BMX: variants seen among roughly 807,000 people sequenced by gnomAD.
The protein encoded by BMX is BMX non-receptor tyrosine kinase.
A neutral mutation model predicts 59.2 loss-of-function variants in BMX; 31 were observed. The ratio of observed to expected loss-of-function variants is 0.52; its 90% CI spans 0.39 to 0.71. The LOEUF (loss-of-function observed/expected upper bound fraction) is 0.71, where lower values mean the gene tolerates loss of function less well. Ranked by LOEUF, BMX falls within the 30% of genes least tolerant of loss-of-function variation. The pLI, the probability that BMX is intolerant of heterozygous loss-of-function variation, is 0.00. For synonymous variants in BMX, 185 were observed against 181.0 expected (o/e 1.02, Z -0.18); for missense variants, 474 against 491.7 (o/e 0.96, Z 0.34).
chrX:15,532,616 G>A (rs953152880), intron 11 of BMX, among the ~76,000 whole-genome samples: 1 of 111,988 alleles, frequency 8.9e-6, no homozygotes, highest in Non-Finnish European at 1.9e-5. Context: ...TTGAATGATC[G>A]TCTGCCTTGG....
intron 4 of BMX, among the ~76,000 whole-genome samples, chrX:15,513,430 A>G (rs931007452): frequency 8.9e-6 from 1 of 111,988 alleles, no homozygotes; most frequent in African/African-American, 3.2e-5. Context: ...ATAGTGAGAA[A>G]GAAGGTGCAT....
intron 11 of BMX, 54 bp from the exon 12 acceptor site, chrX:15,534,158 T>C (rs1457253108): frequency 1.7e-5 from 18 of 1,031,157 alleles, no homozygotes; most frequent in Non-Finnish European, 2.3e-5. Context: ...TAACCCTTGC[T>C]TAATCAAGCT....
At chrX:15,507,127 T>C (rs933427928) in intron 1 of BMX, among the ~76,000 whole-genome samples, 3 of 113,006 alleles carry the variant, frequency 2.7e-5, no homozygotes, top group African/African-American at 9.6e-5. Flanking sequence ...TTCACTCTTC[T>C]GCCATAGTGG....
chrX:15,526,167 T>C (rs1924714859), intron 9 of BMX, 72 bp downstream of exon 9: 7 of 956,900 alleles, frequency 7.3e-6, no homozygotes, highest in Non-Finnish European at 1.0e-5. Context: ...CTCAAAGACA[T>C]TAAAACAGAT....
chrX:15,511,370 T>G, intron 3 of BMX, 67 bp from the exon 4 acceptor site: 3 of 933,695 alleles, frequency 3.2e-6, no homozygotes, highest in Non-Finnish European at 4.5e-6. Context: ...GACAAAAAAT[T>G]TGCAGGTGCA....
intron 9 of BMX, 85 bp downstream of exon 9, chrX:15,526,180 C>A: frequency 1.2e-6 from 1 of 857,250 alleles, no homozygotes; most frequent in Non-Finnish European, 1.6e-6. Flanking sequence ...AAACAGATGG[C>A]TGAGACCGTC....
rs1418220685 is a variant in BMX, at chrX:15,537,241, G to A, written c.1330G>A (p.Val444Ile). ...GKWKGQYDVA[V>I]KMIKEGSMSE... ...GTGGAAGGGGCAGTATGATGTTGCT[G>A]TTAAGATGATCAAGGAGGGCTCCAT... Residue 444 changes from valine (V) to isoleucine (I), a missense_variant, in exon 14 of 19, where the codon GTT becomes ATT. By Grantham distance (29) the Val-to-Ile change is conservative. Coordinates refer to ENST00000348343, the MANE Select transcript of BMX (RefSeq NM_203281.3). 1 of 1,210,548 alleles carries A rather than the reference G, an allele frequency of 8.3e-7. No homozygotes were observed. Among genetic ancestry groups the A allele is most frequent in the Admixed American group, 2.2e-5 (1 of 45,843 alleles).
At chrX:15,513,542 C>T (rs1924038110) in intron 4 of BMX, among the ~76,000 whole-genome samples, 2 of 111,899 alleles carry the variant, frequency 1.8e-5, no homozygotes, top group Admixed American at 9.5e-5. Flanking sequence ...GCTATAATGG[C>T]TCCTCCTGCC....
intron 14 of BMX, among the ~76,000 whole-genome samples, chrX:15,540,024 G>T (rs952288451): frequency 1.8e-5 from 2 of 112,171 alleles, no homozygotes; most frequent in East Asian, 5.6e-4. Flanking sequence ...ACAGTGTGGT[G>T]ATTCCTCAAG....
chrX:15,537,255 G>A lies in BMX; in HGVS notation c.1344G>A (p.Lys448=). 1 of 1,210,475 alleles carries A rather than the reference G, an allele frequency of 8.3e-7. No homozygotes were observed. Among genetic ancestry groups the A allele is most frequent in the Non-Finnish European group, 1.1e-6 (1 of 895,056 alleles). ...ATGATGTTGCTGTTAAGATGATCAA[G>A]GAGGGCTCCATGTCAGAAGATGAAT... The part of the protein sequence containing the change: ...GQYDVAVKMI[K]EGSMSEDEFF... Residue 448 remains lysine, a synonymous_variant, in exon 14 of 19, where the codon AAG becomes AAA. Coordinates refer to ENST00000348343, the MANE Select transcript of BMX (RefSeq NM_203281.3).
chrX:15,507,576 G>A (rs1456467799), intron 1 of BMX, among the ~76,000 whole-genome samples: 5 of 112,441 alleles, frequency 4.4e-5, no homozygotes, highest in Non-Finnish European at 7.5e-5. Context: ...ATATTAGACT[G>A]AGGGTTGAAG....
intron 4 of BMX, among the ~76,000 whole-genome samples, chrX:15,514,521 A>G (rs1924074141): frequency 9.0e-6 from 1 of 111,648 alleles, no homozygotes; most frequent in Non-Finnish European, 1.9e-5. Flanking sequence ...CCTGGGATCA[A>G]CATAAGGAAA....
At chrX:15,522,730 G>T (rs1461784788) in intron 7 of BMX, 143 bp downstream of exon 7, 5 of 882,939 alleles carry the variant, frequency 5.7e-6, no homozygotes, top group Non-Finnish European at 7.8e-6. Context: ...AGAAGTCTGG[G>T]GAAGCAGTGG....
chrX:15,512,437 C>T (rs1209170092), intron 4 of BMX, among the ~76,000 whole-genome samples: 2 of 111,702 alleles, frequency 1.8e-5, no homozygotes, highest in East Asian at 5.6e-4. Context: ...AGTTACTCCA[C>T]TTTGATGCAA....
chrX:15,556,138 C>A lies in BMX; in HGVS notation c.2019C>A (p.Asp673Glu). The change falls in exon 19 of 19, where the codon GAC becomes GAA. Residue 673 changes from aspartate (D) to glutamate (E), a missense_variant. Asp to Glu is a conservative substitution (Grantham distance 45). Transcript: ENST00000348343. ...LSSIEPLREK[D>E]KH is the part of the protein sequence containing the mutation. ...CCATTGAACCACTTCGGGAAAAAGA[C>A]AAGCATTGAAGAAGAAATTAGGAGT... 8.3e-7 allele frequency: 1 copy of A among 1,205,376 alleles called. No individual in the cohort carries two copies. The highest frequency in any genetic ancestry group is 1.1e-6 in the Non-Finnish European group (1 of 892,452).
intron 6 of BMX, among the ~76,000 whole-genome samples, chrX:15,518,967 G>C: frequency 8.9e-6 from 1 of 112,006 alleles, no homozygotes; most frequent in Non-Finnish European, 1.9e-5. Context: ...TTTTTCCCAA[G>C]AGTGGAGTTG....
intron 1 of BMX, among the ~76,000 whole-genome samples, chrX:15,507,707 A>AT (rs755163092): frequency 8.9e-6 from 1 of 112,004 alleles, no homozygotes; most frequent in East Asian, 2.8e-4. Flanking sequence ...AAATGTACTC[A>AT]TTTTTTCAGT....
rs754941859 is a variant in BMX, at chrX:15,536,376, C to A, written c.1171C>A (p.Pro391Thr). The A allele has an allele frequency of 9.9e-6, 12 of 1,209,436 alleles. No individual in the cohort carries two copies. Among genetic ancestry groups the A allele is most frequent in the Non-Finnish European group, 1.3e-5 (12 of 894,186 alleles). ...SAGMITRLRHPVSTKANKVPD... is the reference protein window; with the variant it reads ...SAGMITRLRHTVSTKANKVPD... ...AGGCATGATCACACGGCTCCGCCAC[C>A]CTGTGTCAACAAAGGCCAACAAGGT... Residue 391 changes from proline (P) to threonine (T), a missense_variant, in exon 13 of 19, where the codon CCT (proline) becomes ACT (threonine). By Grantham distance (38) the Pro-to-Thr change is conservative. Transcript: ENST00000348343.
chrX:15,522,468 C>G lies in BMX; in HGVS notation c.633C>G (p.Thr211=). ...GCTCCCAGCCACCATCTTCAAGTAC[C>G]AGTCTAGCGCAATATGACAGCAACT... ...NYGSQPPSSS[T]SLAQYDSNSK... is the part of the protein sequence containing the mutation. The change falls in exon 7 of 19, where the codon ACC becomes ACG. Residue 211 remains threonine, a synonymous_variant. Coordinates refer to ENST00000348343, the MANE Select transcript of BMX (RefSeq NM_203281.3). The G allele has an allele frequency of 3.3e-6, 4 of 1,212,166 alleles. No individual in the cohort carries two copies.
Sources: gnomAD v4.1 joint callset for allele counts (sites outside exome capture counted in the v4.1 genomes callset) on GRCh38, gnomAD v4.1.1 for gene constraint, MANE v1.5 for transcripts, NCBI Gene and HGNC (gene_info 2026-07-23, HGNC 2026-07-21) for gene names.